MBD1: variants seen among roughly 807,000 people sequenced by gnomAD.
MBD1 encodes methyl-CpG-binding domain protein 1.
In MBD1, 25 loss-of-function variants were observed where a neutral mutation model predicts 82.6. The ratio of observed to expected loss-of-function variants is 0.30; its 90% confidence interval spans 0.22 to 0.42. The LOEUF (loss-of-function observed/expected upper bound fraction) is 0.42, where lower values mean the gene tolerates loss of function less well. Ranked by LOEUF, MBD1 falls within the 10% of genes least tolerant of loss-of-function variation. The pLI, the probability that MBD1 is intolerant of heterozygous loss-of-function variation, is 1.00. For synonymous variants in MBD1, 301 were observed against 303.7 expected, an observed-to-expected ratio of 0.99 and a Z score of 0.09; for missense variants, 627 against 819.6, an observed-to-expected ratio of 0.76 and a Z score of 2.87.
intron 1 of MBD1, chr18:50,281,069 TTCTC>T: frequency 8.0e-7 from 1 of 1,246,252 alleles, no homozygotes; most frequent in Non-Finnish European, 1.1e-6. Context: ...GAACCCCCAT[TTCTC>T]TCTCAACTTC....
downstream of MBD1, among the ~76,000 whole-genome samples, chr18:50,268,591 G>T (rs1187589122): frequency 6.6e-6 from 1 of 152,230 alleles, no homozygotes; most frequent in Non-Finnish European, 1.5e-5. Flanking sequence ...CTGTGGCTGG[G>T]AACTACGGGC....
intron 15 of MBD1, 84 bp from the exon 16 acceptor site, chr18:50,271,624 C>G: frequency 7.1e-7 from 1 of 1,403,914 alleles, no homozygotes; most frequent in Non-Finnish European, 1.0e-6. Context: ...TCCTACTATT[C>G]TGTGTCCTCC....
intron 8 of MBD1, 22 bp downstream of exon 8, chr18:50,275,578 T>G (rs372534351): frequency 1.9e-6 from 3 of 1,614,016 alleles, no homozygotes; most frequent in Non-Finnish European, 1.7e-6. Context: ...GAATGAGCTC[T>G]GCTCCCTCCA....
rs1599316276 is a variant in MBD1, at chr18:50,273,292, A to G, written c.1584+42T>C. 3.7e-6 allele frequency: 6 copies of G among 1,611,500 alleles called. No individual in the cohort carries two copies. In the East Asian group the frequency reaches 1.3e-4, roughly 36 times the overall value. The stretch of plus-strand genomic sequence containing the variant: ...CTCATCATCACTCTGCTTACAGACC[A>G]CTCCGCTACGGCACCAACAGAACAT... On this transcript the variant is annotated intron_variant, in intron 13 of 16. Transcript: ENST00000269468.
At chr18:50,267,555 G>T, downstream of MBD1, 1 of 1,387,544 alleles carries the variant, frequency 7.2e-7, no homozygotes, top group South Asian at 1.2e-5. Context: ...TGGTTTCTGA[G>T]AATCAGGATC....
Position 50,274,316 on chromosome 18 carries a change from C to G in MBD1, c.1016G>C (p.Gly339Ala). 1 of 1,613,812 alleles carries G rather than the reference C, an allele frequency of 6.2e-7. No individual in the cohort carries two copies. The highest frequency in any genetic ancestry group is 8.5e-7 in the Non-Finnish European group (1 of 1,179,974). The part of the protein sequence containing the change: ...YTNRRQNRKC[G>A]ACAACLRRMD... ...CCGCCGTAGGCAGGCTGCACAGGCCCCGCACTTGCGGTTCTGCCGGCGGTT... is the reference window on the plus strand; with the variant it reads ...CCGCCGTAGGCAGGCTGCACAGGCCGCGCACTTGCGGTTCTGCCGGCGGTT... The change falls in exon 11 of 17, where the codon GGG becomes GCG. Residue 339 changes from glycine to alanine, a missense_variant. Gly to Ala is a moderately conservative substitution (Grantham distance 60). This residue lies in a region of MBD1 where 228 missense variants were observed against 318.1 expected (regional missense o/e 0.72). Coordinates refer to ENST00000269468, the MANE Select transcript of MBD1 (RefSeq NM_015846.4).
rs1371424325 is a variant in MBD1, at chr18:50,269,191, C to T, written c.*660G>A. 2.9e-6 allele frequency: 3 copies of T among 1,040,868 alleles called. No homozygotes were observed. The Admixed American group carries it at 1.5e-4, about 53-fold the overall frequency. The allele number at this position is 1,040,868 out of a possible 1,614,324, so 64.5% of individuals were successfully genotyped here. On this transcript the variant is annotated 3_prime_UTR_variant, in exon 17 of 17. Coordinates refer to ENST00000269468, the MANE Select transcript of MBD1 (RefSeq NM_015846.4). Reference sequence around the variant, plus strand: ...GACCAGCAAGTTTTTTCTGGGTGGGCTTCATAGAATCTCTGTACTTGCTGG... The same window carrying T: ...GACCAGCAAGTTTTTTCTGGGTGGGTTTCATAGAATCTCTGTACTTGCTGG...
In MBD1 at chr18:50,269,602, T is replaced by C. The variant is rs1240270656; in HGVS notation, c.*249A>G. On this transcript the variant is annotated 3_prime_UTR_variant, in exon 17 of 17. Coordinates refer to ENST00000269468, the MANE Select transcript of MBD1 (RefSeq NM_015846.4). Reference sequence around the variant, plus strand: ...CTTCCCCAGGATCATCCTTTCAGCTTCTCTAATTCCTGGGCCAGATGCATA... The same window carrying C: ...CTTCCCCAGGATCATCCTTTCAGCTCCTCTAATTCCTGGGCCAGATGCATA... 2 of 719,320 alleles carry C rather than the reference T, an allele frequency of 2.8e-6. No individual in the cohort carries two copies. Among genetic ancestry groups the C allele is most frequent in the Admixed American group, 4.0e-5 (2 of 50,082 alleles). The allele number at this position is 719,320 out of a possible 1,614,324, so 44.6% of individuals were successfully genotyped here.
At chr18:50,281,126 T>C (rs1449456630) in intron 1 of MBD1, 1 of 1,526,768 alleles carries the variant, frequency 6.5e-7, no homozygotes, top group Admixed American at 2.0e-5. Context: ...TCTCCACCAT[T>C]CCTCTCCGTC....
intron 16 of MBD1, 151 bp from the exon 17 acceptor site, chr18:50,269,969 G>A (rs1568179855): frequency 6.4e-7 from 1 of 1,560,118 alleles, no homozygotes; most frequent in South Asian, 1.1e-5. Flanking sequence ...TCCTCTGATT[G>A]TACCCTAACA....
chr18:50,270,928 G>C, intron 16 of MBD1: 2 of 618,886 alleles, frequency 3.2e-6, no homozygotes, highest in East Asian at 1.3e-4. Context: ...TTCGACATTG[G>C]ACAAATTAAT....
chr18:50,281,730 A>G, upstream of MBD1: 2 of 376,956 alleles, frequency 5.3e-6, no homozygotes, highest in Non-Finnish European at 9.5e-6. Context: ...AGGGACTGGC[A>G]GTTGCGGCTC....
In MBD1 at chr18:50,275,426, G is replaced by A. The variant is rs1304931402; in HGVS notation, c.792+174C>T. The A allele has an allele frequency of 2.5e-6, 4 of 1,603,060 alleles. No homozygotes were observed. In the South Asian group the frequency reaches 3.3e-5, roughly 13 times the overall value. ...CGCTGACATCTCTGATGACGGCGAC[G>A]CAGGCGGTGAGCAAGGTGCTGGCAG... On this transcript the variant is annotated intron_variant, in intron 8 of 16. Transcript: ENST00000269468.
chr18:50,269,162 C>A lies in MBD1; in HGVS notation c.*689G>T. The A allele has an allele frequency of 9.6e-7, 1 of 1,040,420 alleles. No individual in the cohort carries two copies. 64.4% of individuals were successfully genotyped at this position (1,040,420 alleles called of 1,614,324 possible). On this transcript the variant is annotated 3_prime_UTR_variant, in exon 17 of 17. Coordinates refer to ENST00000269468, the MANE Select transcript of MBD1 (RefSeq NM_015846.4). ...ACTTGAATAAATGACACAAAAATAG[C>A]CAGGACCAGCAAGTTTTTTCTGGGT...
Position 50,279,988 on chromosome 18 carries a change from G to A in MBD1, c.5C>T (p.Ala2Val). M[A>V]EDWLDCPALG... ...GGCCGGGCAGTCCAGCCAGTCCTCA[G>A]CCATGGAGGCCACAGGAAGCAGCAG... Residue 2 changes from alanine to valine, a missense_variant, in exon 2 of 17, where the codon GCT becomes GTT. By Grantham distance (64) the Ala-to-Val change is moderately conservative (BLOSUM62 0). This residue lies in a region of MBD1 where 42 missense variants were observed against 90.4 expected (regional missense o/e 0.46). Transcript: ENST00000269468. 1 of 1,608,318 alleles carries A rather than the reference G, an allele frequency of 6.2e-7. No individual in the cohort carries two copies. Among genetic ancestry groups the A allele is most frequent in the Non-Finnish European group, 8.5e-7 (1 of 1,179,798 alleles).
chr18:50,281,354 C>A lies in MBD1; in HGVS notation c.-26+9G>T. 1 of 889,870 alleles carries A rather than the reference C, an allele frequency of 1.1e-6. No homozygotes were observed. Among genetic ancestry groups the A allele is most frequent in the Non-Finnish European group, 1.8e-6 (1 of 565,262 alleles). The allele number at this position is 889,870 out of a possible 1,614,324, so 55.1% of individuals were successfully genotyped here. ...GCGCTCTCCACGTCCAGCCCCAAGGCTGTCTCACCAGTTTGGCACCAGGCC... is the reference window on the plus strand; with the variant it reads ...GCGCTCTCCACGTCCAGCCCCAAGGATGTCTCACCAGTTTGGCACCAGGCC... On this transcript the variant is annotated intron_variant, in intron 1 of 16. Coordinates refer to ENST00000269468, the MANE Select transcript of MBD1 (RefSeq NM_015846.4).
chr18:50,273,875 G>A lies in MBD1; in HGVS notation c.1147-12C>T. On this transcript the variant is annotated splice_polypyrimidine_tract_variant and intron_variant, in intron 11 of 16. Coordinates refer to ENST00000269468, the MANE Select transcript of MBD1 (RefSeq NM_015846.4). ...GGCAGCAGCCGCTTCTATGGGGAAA[G>A]ATAGGGTGCTATGGCTACCTGGTGT... 1 of 1,611,156 alleles carries A rather than the reference G, an allele frequency of 6.2e-7. No individual in the cohort carries two copies. Among genetic ancestry groups the A allele is most frequent in the Non-Finnish European group, 8.5e-7 (1 of 1,179,926 alleles).
intron 8 of MBD1, 69 bp downstream of exon 8, chr18:50,275,531 T>C (rs891827670): frequency 6.2e-7 from 1 of 1,612,352 alleles, no homozygotes; most frequent in African/African-American, 1.3e-5. Flanking sequence ...CAAGGCCAGG[T>C]TGAAAGGAAG....
chr18:50,272,472 T>A (rs1181066594), intron 15 of MBD1: 1 of 653,346 alleles, frequency 1.5e-6, no homozygotes, highest in Non-Finnish European at 2.8e-6. Context: ...AGGAGAGTCC[T>A]AACCTGGAAT....
Sources: gnomAD v4.1 joint callset for allele counts (sites outside exome capture counted in the v4.1 genomes callset) on GRCh38, gnomAD v4.1.1 for gene constraint, gnomAD v4.1.1 regional missense constraint, MANE v1.5 for transcripts, NCBI Gene and HGNC (gene_info 2026-07-23, HGNC 2026-07-21) for gene names.